Variants in CNBD1 observed in about 807,000 individuals in gnomAD.
CNBD1 encodes the protein cyclic nucleotide binding domain containing 1, also known as cyclic nucleotide-binding domain-containing protein 1.
CNBD1 carries 71 observed loss-of-function variants against 54.4 expected under a neutral mutation model. That is an observed-to-expected ratio of 1.30 (90% CI 1.08 to 1.59). The LOEUF (loss-of-function observed/expected upper bound fraction) is 1.59. Among genes scored for constraint, CNBD1 ranks in the 40% most tolerant of loss-of-function variants. The probability of loss-of-function intolerance (pLI) is 0.00; values close to 1 mark genes in which losing one functional copy is unlikely to be tolerated. For missense variants in CNBD1, 659 were observed against 518.0 expected (o/e 1.27, Z -2.64); for synonymous variants, 182 against 170.7 (o/e 1.07, Z -0.51).
intron 4 of CNBD1, among the ~76,000 whole-genome samples, chr8:87,019,393 T>C (rs141680571): frequency 6.6e-6 from 1 of 152,320 alleles, no homozygotes; most frequent in African/African-American, 2.4e-5. Context: ...TTTATATAAC[T>C]TTCCCTGTAA....
chr8:87,399,671 T>A (rs2130976229), intron 2 of CNBD1, among the ~76,000 whole-genome samples: 1 of 152,048 alleles, frequency 6.6e-6, no homozygotes, highest in Non-Finnish European at 1.5e-5. Flanking sequence ...AGGAGTGCTT[T>A]TCAGAACAGG....
intron 4 of CNBD1, among the ~76,000 whole-genome samples, chr8:87,188,760 A>T (rs529339290): frequency 3.8e-4 from 58 of 151,438 alleles, no homozygotes; most frequent in East Asian, 1.5e-3. Context: ...AAAAAAAAAA[A>T]AAATAAAAAT....
chr8:87,425,373 C>T (rs1808027165), intron 2 of CNBD1, among the ~76,000 whole-genome samples: 1 of 152,178 alleles, frequency 6.6e-6, no homozygotes, highest in Non-Finnish European at 1.5e-5. Flanking sequence ...GAGCTGCGTT[C>T]CTTTGGAGGA....
At chr8:87,159,612 GTA>G (rs1294339269) in intron 4 of CNBD1, among the ~76,000 whole-genome samples, 4 of 152,168 alleles carry the variant, frequency 2.6e-5, no homozygotes, top group African/African-American at 9.6e-5. Context: ...TGGATGACCA[GTA>G]TCACATCTGC....
Position 87,286,677 on chromosome 8 carries a change from T to A in CNBD1, c.1042+6T>A. ...AAAATTTCCTCCAGGTCATGGTAAG[T>A]TTAATGCAATTTAGATCATTTTGTT... is the stretch of plus-strand genomic sequence containing the variant. On this transcript the variant is annotated splice_donor_region_variant and intron_variant, in intron 8 of 10. Coordinates refer to ENST00000518476, the MANE Select transcript of CNBD1 (RefSeq NM_173538.3). 1 of 1,528,700 alleles carries A rather than the reference T, an allele frequency of 6.5e-7. No homozygotes were observed. The highest frequency in any genetic ancestry group is 8.8e-7 in the Non-Finnish European group (1 of 1,130,554). The allele number at this position is 1,528,700 out of a possible 1,614,324, so 94.7% of individuals were successfully genotyped here.
At chr8:86,959,852 T>A (rs1807881905) in intron 4 of CNBD1, among the ~76,000 whole-genome samples, 1 of 152,188 alleles carries the variant, frequency 6.6e-6, no homozygotes, top group Admixed American at 6.5e-5. Flanking sequence ...CCTTCTTCTC[T>A]CCACTCGTCA....
chr8:86,965,517 T>G (rs1808049478), intron 4 of CNBD1, among the ~76,000 whole-genome samples: 1 of 152,140 alleles, frequency 6.6e-6, no homozygotes, highest in Non-Finnish European at 1.5e-5. Context: ...ATGCTAGTCA[T>G]TTTTAACTGG....
chr8:86,915,636 G>T (rs1809171866), intron 3 of CNBD1, among the ~76,000 whole-genome samples: 1 of 152,166 alleles, frequency 6.6e-6, no homozygotes, highest in African/African-American at 2.4e-5. Flanking sequence ...TATAATTTTT[G>T]CAATGGTGGT....
chr8:87,340,091 G>C (rs534551117), intron 8 of CNBD1, among the ~76,000 whole-genome samples: 1 of 152,062 alleles, frequency 6.6e-6, no homozygotes, highest in African/African-American at 2.4e-5. Flanking sequence ...TAATAACCTC[G>C]CTTAGCTTTG....
chr8:87,197,354 T>C (rs1259936503), intron 4 of CNBD1, among the ~76,000 whole-genome samples: 1 of 152,200 alleles, frequency 6.6e-6, no homozygotes, highest in Non-Finnish European at 1.5e-5. Flanking sequence ...AAGCCAATTT[T>C]TCATACCTGA....
intron 3 of CNBD1, among the ~76,000 whole-genome samples, chr8:86,930,747 A>G (rs1410286119): frequency 1.3e-5 from 2 of 152,190 alleles, no homozygotes; most frequent in African/African-American, 4.8e-5. Flanking sequence ...TTGACTGTTC[A>G]GTTTTTGTTC....
chr8:87,081,511 GT>G (rs530640699), intron 4 of CNBD1, among the ~76,000 whole-genome samples: 36 of 140,242 alleles, frequency 2.6e-4, no homozygotes, highest in African/African-American at 3.7e-4. Context: ...TTTTGTTTTT[GT>G]TTTTTTTTTT....
intron 4 of CNBD1, among the ~76,000 whole-genome samples, chr8:87,160,525 A>G (rs1812834558): frequency 6.6e-6 from 1 of 152,176 alleles, no homozygotes; most frequent in Non-Finnish European, 1.5e-5. Flanking sequence ...CATTATCAAT[A>G]TATTCTTCCA....
At chr8:87,132,661 C>T (rs1812142539) in intron 4 of CNBD1, among the ~76,000 whole-genome samples, 2 of 146,022 alleles carry the variant, frequency 1.4e-5, no homozygotes, top group Admixed American at 1.4e-4. Context: ...AGATATATAT[C>T]TAATATATAT....
downstream of CNBD1, among the ~76,000 whole-genome samples, chr8:87,384,830 G>A (rs1157787946): frequency 1.3e-5 from 2 of 152,236 alleles, no homozygotes; most frequent in African/African-American, 2.4e-5. Context: ...GTTATCTGAG[G>A]TGGATCATGC....
chr8:87,412,631 G>A (rs1200048110), intron 2 of CNBD1, among the ~76,000 whole-genome samples: 1 of 152,040 alleles, frequency 6.6e-6, no homozygotes, highest in Admixed American at 6.6e-5. Context: ...TGTTTCTTGT[G>A]TTAAGCAAAA....
chr8:87,393,093 G>C (rs368385560), intron 2 of CNBD1, among the ~76,000 whole-genome samples: 11 of 151,880 alleles, frequency 7.2e-5, no homozygotes, highest in African/African-American at 2.7e-4. Context: ...TCATTTACTG[G>C]AATCTAAAAG....
rs116762574 is a variant in CNBD1 at position 87,147,294 on chromosome 8, A to G, written c.432-58699A>G. ...CCCTAATTTCCAGAATATAACATCC[A>G]TGAGAGCAGCAGCAACCTCATCACT... On this transcript the variant is annotated intron_variant, in intron 4 of 10. Transcript: ENST00000518476. Among the ~76,000 whole-genome samples the G allele has an allele frequency of 3.4e-3, 522 of 152,220 alleles. 4 individuals carry two copies. The highest frequency in any genetic ancestry group is 0.012 in the African/African-American group (487 of 41,540).
At chr8:87,073,162 T>G (rs1363503720) in intron 4 of CNBD1, among the ~76,000 whole-genome samples, 1 of 151,986 alleles carries the variant, frequency 6.6e-6, no homozygotes, top group Non-Finnish European at 1.5e-5. Flanking sequence ...GTCAGTTATC[T>G]TCTTCTCTAA....
Sources: allele counts gnomAD v4.1 joint callset (sites outside exome capture counted in the v4.1 genomes callset), GRCh38; gene constraint gnomAD v4.1.1; transcripts MANE v1.5; gene names NCBI Gene and HGNC (gene_info 2026-07-23, HGNC 2026-07-21).